SLC35H1: variants seen among roughly 807,000 people sequenced by gnomAD.
SLC35H1 encodes solute carrier family 35 member H1, also known as ovarian cancer-overexpressed gene 1 protein.
the SLC35H1 span, chr20:46,358,567 C>G: frequency 1.9e-6 from 3 of 1,613,118 alleles, no homozygotes; most frequent in Middle Eastern, 1.6e-4. Context: ...CTCTTGAATA[C>G]AATGTGCAGG....
the SLC35H1 span, chr20:46,350,694 C>T: frequency 6.5e-7 from 1 of 1,527,952 alleles, no homozygotes; most frequent in Non-Finnish European, 8.9e-7. Context: ...CTTCCTGCAT[C>T]AGAATCACTA....
At chr20:46,347,633 G>A in the SLC35H1 span, 1 of 152,272 alleles carries the variant, frequency 6.6e-6, no homozygotes, top group Non-Finnish European at 1.5e-5. Context: ...TTGGTGCCAT[G>A]TAACTACTCT....
chr20:46,350,955 T>G, the SLC35H1 span: 1 of 1,596,442 alleles, frequency 6.3e-7, no homozygotes, highest in African/African-American at 1.3e-5. Context: ...ACCAGGAGGG[T>G]GGAAGGTGGG....
the SLC35H1 span, chr20:46,357,642 G>A: frequency 7.2e-5 from 117 of 1,613,958 alleles, no homozygotes; most frequent in South Asian, 1.2e-3. Context: ...CCACTCTTCT[G>A]AGGTAGTCGG....
At chr20:46,348,145 C>T in the SLC35H1 span, 1 of 90,822 alleles carries the variant, frequency 1.1e-5, no homozygotes, top group African/African-American at 4.3e-5. Flanking sequence ...GCTGTCTGGC[C>T]TGGGAGGCCA....
chr20:46,348,317 C>T, the SLC35H1 span: 6 of 152,226 alleles, frequency 3.9e-5, no homozygotes, highest in Non-Finnish European at 5.9e-5. Context: ...CGCTTGCTCC[C>T]TGTGCTGGGA....
the SLC35H1 span, chr20:46,348,027 T>A: frequency 6.6e-6 from 1 of 152,216 alleles, no homozygotes; most frequent in East Asian, 1.9e-4. Flanking sequence ...CATCCTCAGC[T>A]TCCCCTCAAC....
the SLC35H1 span, chr20:46,350,248 G>A: frequency 1.0e-6 from 1 of 965,206 alleles, no homozygotes; most frequent in Admixed American, 2.7e-5. Context: ...AGGGGCAAAA[G>A]TCATGAGTCC....
chr20:46,353,040 A>C, the SLC35H1 span: 3 of 152,024 alleles, frequency 2.0e-5, no homozygotes, highest in Admixed American at 1.3e-4. Flanking sequence ...CACTCAGGGA[A>C]CTCCTTGGTC....
At chr20:46,355,316 G>A in the SLC35H1 span, 45 of 1,495,368 alleles carry the variant, frequency 3.0e-5, no homozygotes, top group Non-Finnish European at 6.3e-6. This position sits in a 1 kb window ranked among gnomAD's most constrained non-coding sequence, Gnocchi z 4.8. Context: ...TGGAGCCTGG[G>A]GTCAGCAGCC....
the SLC35H1 span, chr20:46,363,045 C>G: frequency 6.6e-6 from 1 of 152,376 alleles, no homozygotes; most frequent in African/African-American, 2.4e-5. Flanking sequence ...GGATTACAGG[C>G]GTGAGCCACC....
the SLC35H1 span, among the ~76,000 whole-genome samples, chr20:46,361,491 T>C: frequency 3.3e-5 from 5 of 152,322 alleles, no homozygotes; most frequent in South Asian, 2.1e-4. Context: ...AGAGGGCGCA[T>C]GGGCCTCAAA....
At chr20:46,350,977 C>T in the SLC35H1 span, 2 of 1,535,858 alleles carry the variant, frequency 1.3e-6, no homozygotes, top group Non-Finnish European at 1.8e-6. Flanking sequence ...GCACTAGGTA[C>T]ACTCAGGTGG....
the SLC35H1 span, chr20:46,359,044 C>T: frequency 2.3e-6 from 1 of 427,978 alleles, no homozygotes; most frequent in Non-Finnish European, 4.4e-6. Context: ...GACCAGCACC[C>T]TTCTTTCGGC....
the SLC35H1 span, chr20:46,357,507 A>G: frequency 2.4e-6 from 3 of 1,235,792 alleles, no homozygotes; most frequent in Non-Finnish European, 3.4e-6. Context: ...GAGGAGGAAC[A>G]GTGCAGGAAG....
the SLC35H1 span, chr20:46,352,444 G>A: frequency 6.0e-4 from 330 of 553,004 alleles, no homozygotes; most frequent in African/African-American, 5.4e-3. Flanking sequence ...CTGCCAGAGC[G>A]CCTGGGGGCA....
chr20:46,350,801 T>C, the SLC35H1 span: 1 of 1,614,058 alleles, frequency 6.2e-7, no homozygotes, highest in South Asian at 1.1e-5. Context: ...GGAGGGATAT[T>C]CCCGAGAGGC....
the SLC35H1 span, chr20:46,352,646 G>A: frequency 2.5e-5 from 2 of 78,988 alleles, no homozygotes; most frequent in African/African-American, 1.5e-4. Context: ...GGATGACGAT[G>A]GGATCCTAGC....
At chr20:46,352,343 C>T in the SLC35H1 span, 1 of 861,910 alleles carries the variant, frequency 1.2e-6, no homozygotes, top group Non-Finnish European at 1.8e-6. Context: ...GACCTGCTAA[C>T]TGTCTGCAGC....
Sources: allele counts gnomAD v4.1 joint callset (sites outside exome capture counted in the v4.1 genomes callset), GRCh38; gene constraint gnomAD v4.1.1; non-coding constraint Gnocchi (gnomAD v3.1); transcripts MANE v1.5; gene names NCBI Gene and HGNC (gene_info 2026-07-23, HGNC 2026-07-21).